Variants in RBFOX1 observed in about 807,000 individuals in gnomAD.
The protein encoded by RBFOX1 is RNA binding fox-1 homolog 1.
A neutral mutation model predicts 57.7 loss-of-function variants in RBFOX1; 8 were observed. That is an observed-to-expected ratio of 0.14 (90% CI 0.08 to 0.25). RBFOX1 has a LOEUF of 0.25. RBFOX1 is among the 10% of genes least tolerant of loss of function. The probability of loss-of-function intolerance (pLI) is 1.00; values close to 1 mark genes in which losing one functional copy is unlikely to be tolerated. For synonymous variants in RBFOX1, 326 were observed against 222.4 expected (o/e 1.47, Z -4.15); for missense variants, 611 against 548.5 (o/e 1.11, Z -1.14).
At chr16:7,471,386 A>G (rs539127777) in intron 4 of RBFOX1, among the ~76,000 whole-genome samples, 5 of 152,252 alleles carry the variant, frequency 3.3e-5, no homozygotes, top group Non-Finnish European at 2.9e-5. Context: ...ATACACTTAT[A>G]CATTTTGGTA....
At chr16:6,423,048 C>G (rs2093820141) in intron 2 of RBFOX1, among the ~76,000 whole-genome samples, 1 of 152,088 alleles carries the variant, frequency 6.6e-6, no homozygotes, top group African/African-American at 2.4e-5. Flanking sequence ...TTTTCTTTAT[C>G]CAGGCCACCG....
At chr16:7,288,217 T>G (rs2095688844) in intron 4 of RBFOX1, among the ~76,000 whole-genome samples, 1 of 152,156 alleles carries the variant, frequency 6.6e-6, no homozygotes, top group Non-Finnish European at 1.5e-5. Context: ...GTAATTCAAT[T>G]TAATTTCTGG....
intron 1 of RBFOX1, among the ~76,000 whole-genome samples, chr16:5,416,088 G>C (rs1242531178): frequency 6.6e-6 from 1 of 152,122 alleles, no homozygotes; most frequent in African/African-American, 2.4e-5. Context: ...TCTTACACTG[G>C]GAAACGCCTG....
rs143921810 is a variant in RBFOX1, at chr16:5,345,947, C to T, written c.219+105842C>T. On this transcript the variant is annotated intron_variant, in intron 1 of 2. Coordinates refer to the RBFOX1 transcript ENST00000585867. Reference sequence around the variant, plus strand: ...GGAAGAAACCCTGCTAATTATGCCCCTAGGAATCTACCAGGGAAACTTGCT... The same window carrying T: ...GGAAGAAACCCTGCTAATTATGCCCTTAGGAATCTACCAGGGAAACTTGCT... Among the ~76,000 whole-genome samples, 180 of 152,284 alleles carry T rather than the reference C, an allele frequency of 1.2e-3. 1 individual carries two copies. Among genetic ancestry groups the T allele is most frequent in the Admixed American group, 5.9e-3 (90 of 15,306 alleles).
At chr16:5,607,153 C>A (rs1188052451) in intron 3 of RBFOX1, among the ~76,000 whole-genome samples, 1 of 152,204 alleles carries the variant, frequency 6.6e-6, no homozygotes, top group Non-Finnish European at 1.5e-5. Context: ...GACTCCTGGG[C>A]ACGCTCTACT....
intron 2 of RBFOX1, among the ~76,000 whole-genome samples, chr16:5,541,977 T>C (rs1220706263): frequency 6.6e-5 from 10 of 152,124 alleles, no homozygotes; most frequent in African/African-American, 2.2e-4. Flanking sequence ...TCTGAGATTT[T>C]GGTGCACCAT....
chr16:7,308,985 A>G (rs1468634609), intron 4 of RBFOX1, among the ~76,000 whole-genome samples: 2 of 152,158 alleles, frequency 1.3e-5, no homozygotes, highest in African/African-American at 4.8e-5. Flanking sequence ...GATTTATTAG[A>G]TAGTGCTATG....
At chr16:5,986,116 C>T (rs371089756) in intron 4 of RBFOX1, among the ~76,000 whole-genome samples, 1 of 149,546 alleles carries the variant, frequency 6.7e-6, no homozygotes, top group Non-Finnish European at 1.5e-5. Context: ...AGGCTGGGTG[C>T]AGTGGTGTAA....
chr16:5,333,409 G>C (rs756357455), intron 1 of RBFOX1, among the ~76,000 whole-genome samples: 5 of 148,542 alleles, frequency 3.4e-5, no homozygotes, highest in African/African-American at 9.9e-5. Flanking sequence ...GAGACTGTCA[G>C]GTCTGAACAG....
chr16:5,825,494 T>G (rs752809046), intron 3 of RBFOX1, among the ~76,000 whole-genome samples: 1 of 152,252 alleles, frequency 6.6e-6, no homozygotes, highest in Non-Finnish European at 1.5e-5. Flanking sequence ...GTGGATCAAA[T>G]TTAGGAGCAT....
At chr16:5,863,180 G>A (rs996499905) in intron 3 of RBFOX1, among the ~76,000 whole-genome samples, 1 of 152,180 alleles carries the variant, frequency 6.6e-6, no homozygotes, top group African/African-American at 2.4e-5. Context: ...AAGTGAGAAG[G>A]AAACCCTTAA....
At chr16:6,766,323 A>C (rs1023548089) in intron 3 of RBFOX1, among the ~76,000 whole-genome samples, 1 of 152,032 alleles carries the variant, frequency 6.6e-6, no homozygotes, top group African/African-American at 2.4e-5. Flanking sequence ...TTAGTTTTTT[A>C]ATGTTCAGAG....
At chr16:5,740,092 C>A (rs904061289) in intron 3 of RBFOX1, among the ~76,000 whole-genome samples, 3 of 152,112 alleles carry the variant, frequency 2.0e-5, no homozygotes, top group African/African-American at 7.2e-5. Flanking sequence ...GGCAGTGGAG[C>A]CTCGTCCTGG....
chr16:5,412,587 G>T (rs972110269), intron 1 of RBFOX1, among the ~76,000 whole-genome samples: 2 of 152,166 alleles, frequency 1.3e-5, no homozygotes, highest in Non-Finnish European at 2.9e-5. Context: ...CCCCTGGAAG[G>T]GTTTAGAGTA....
intron 4 of RBFOX1, among the ~76,000 whole-genome samples, chr16:7,367,210 C>G (rs2097470200): frequency 6.6e-6 from 1 of 152,162 alleles, no homozygotes; most frequent in South Asian, 2.1e-4. Flanking sequence ...CCACCCCCAT[C>G]TTACTGTTTG....
At chr16:6,213,901 C>G (rs2152858512) in intron 1 of RBFOX1, among the ~76,000 whole-genome samples, 1 of 152,260 alleles carries the variant, frequency 6.6e-6, no homozygotes, top group South Asian at 2.1e-4. Context: ...TTATTGGATG[C>G]TTAGCAGCAT....
intron 3 of RBFOX1, among the ~76,000 whole-genome samples, chr16:6,657,293 G>T (rs919643026): frequency 6.6e-6 from 1 of 151,530 alleles, no homozygotes; most frequent in African/African-American, 2.4e-5. Flanking sequence ...TAGTTTCTCT[G>T]TTTCTAACAA....
intron 4 of RBFOX1, among the ~76,000 whole-genome samples, chr16:7,397,262 T>C (rs2098156707): frequency 6.6e-6 from 1 of 152,222 alleles, no homozygotes; most frequent in African/African-American, 2.4e-5. Flanking sequence ...GTGTGTATTG[T>C]GTTTAAATCT....
At chr16:7,398,912 A>G (rs1046589773) in intron 4 of RBFOX1, among the ~76,000 whole-genome samples, 1 of 152,310 alleles carries the variant, frequency 6.6e-6, no homozygotes. Flanking sequence ...ACAAATGCCC[A>G]CAAACTTGGT....
Sources: allele counts gnomAD v4.1 joint callset (sites outside exome capture counted in the v4.1 genomes callset), GRCh38; gene constraint gnomAD v4.1.1; transcripts MANE v1.5; gene names NCBI Gene and HGNC (gene_info 2026-07-23, HGNC 2026-07-21).